MTOR: variants seen among roughly 807,000 people sequenced by gnomAD.
MTOR encodes mechanistic target of rapamycin kinase, also known as serine/threonine-protein kinase mTOR.
A neutral mutation model predicts 319.8 loss-of-function variants in MTOR; 70 were observed. The observed-to-expected ratio is 0.22, with a 90% CI of 0.18 to 0.27. The LOEUF (loss-of-function observed/expected upper bound fraction) is 0.27, where lower values mean the gene tolerates loss of function less well. Ranked by LOEUF, MTOR falls within the 10% of genes least tolerant of loss-of-function variation. MTOR has a pLI of 1.00. For missense variants in MTOR, 1,890 were observed against 3,274.4 expected (o/e 0.58, Z 10.32); for synonymous variants, 1,183 against 1,211.4 (o/e 0.98, Z 0.49).
intron 28 of MTOR, among the ~76,000 whole-genome samples, chr1:11,167,924 G>C (rs1183468092): frequency 6.6e-6 from 1 of 152,144 alleles, no homozygotes; most frequent in Non-Finnish European, 1.5e-5. Flanking sequence ...AAAAAAATTA[G>C]CCGGGCGTGG....
intron 13 of MTOR, 40 bp downstream of exon 13, chr1:11,237,803 T>C (rs1378415185): frequency 9.9e-6 from 16 of 1,608,542 alleles, no homozygotes; most frequent in Non-Finnish European, 1.1e-5. Flanking sequence ...GCGAGAGTCC[T>C]GTCTTCCCTG....
chr1:11,210,214 G>A (rs1020188310), intron 24 of MTOR, among the ~76,000 whole-genome samples: 3 of 152,212 alleles, frequency 2.0e-5, no homozygotes, highest in Non-Finnish European at 2.9e-5. Flanking sequence ...CCAGGCTGGA[G>A]TGCACTGGTG....
chr1:11,143,082 T>G (rs1015337349), intron 34 of MTOR, among the ~76,000 whole-genome samples: 1 of 152,168 alleles, frequency 6.6e-6, no homozygotes, highest in Non-Finnish European at 1.5e-5. Context: ...CCATGAAGTG[T>G]GACAACAATG....
At chr1:11,241,186 T>C (rs896306245) in intron 10 of MTOR, among the ~76,000 whole-genome samples, 4 of 151,908 alleles carry the variant, frequency 2.6e-5, no homozygotes, top group Non-Finnish European at 4.4e-5. Context: ...CCAGGCGTGG[T>C]GGCAGGCGCC....
At chr1:11,169,774 CA>C (rs1420887170) in intron 28 of MTOR, among the ~76,000 whole-genome samples, 2 of 152,154 alleles carry the variant, frequency 1.3e-5, no homozygotes, top group Non-Finnish European at 2.9e-5. Context: ...ATCTATATAA[CA>C]GGGCTAATAT....
At chr1:11,248,884 A>C (rs1649206933) in intron 6 of MTOR, among the ~76,000 whole-genome samples, 1 of 152,206 alleles carries the variant, frequency 6.6e-6, no homozygotes, top group South Asian at 2.1e-4. Flanking sequence ...AGTATGGAAT[A>C]AGCTGACTGA....
At position 11,129,191 on chromosome 1, in the gene MTOR, GGCATGTAT is replaced by G. The variant is rs1414244854; in HGVS notation, c.5715-248_5715-241del. Reference sequence around the variant, plus strand: ...TCCCAGGTCACCGAGGGGTCACCATGGCATGTATGCAAACATCAAACAGACGAGCCAGG... The same window carrying G: ...TCCCAGGTCACCGAGGGGTCACCATGGCAAACATCAAACAGACGAGCCAGG... On this transcript the variant is annotated intron_variant, in intron 40 of 57. Coordinates refer to ENST00000361445, the MANE Select transcript of MTOR (RefSeq NM_004958.4). This position sits in a 1 kb window ranked among gnomAD's most constrained non-coding sequence, Gnocchi z 4.7. Among the ~76,000 whole-genome samples, 1 of 152,166 alleles carries G rather than the reference GGCATGTAT, an allele frequency of 6.6e-6. No homozygotes were observed. The highest frequency in any genetic ancestry group is 1.5e-5 in the Non-Finnish European group (1 of 68,036).
In MTOR at chr1:11,212,344, G is replaced by A. The variant is rs1646339170; in HGVS notation, c.3529C>T (p.Leu1177=). The A allele has an allele frequency of 6.2e-7, 1 of 1,614,088 alleles. No individual in the cohort carries two copies. Among genetic ancestry groups the A allele is most frequent in the Non-Finnish European group, 8.5e-7 (1 of 1,179,986 alleles). ...PELRSTAMDT[L]SSLVFQLGKK... is the part of the protein sequence containing the mutation. Reference sequence around the variant, plus strand: ...CCCAGCTGAAAAACAAGTGAAGACAGCGTGTCCATGGCTGTGGAGCGCAGT... The same window carrying A: ...CCCAGCTGAAAAACAAGTGAAGACAACGTGTCCATGGCTGTGGAGCGCAGT... The change falls in exon 23 of 58, where the codon CTG becomes TTG. Residue 1177 remains leucine, a synonymous_variant. Transcript: ENST00000361445. The surrounding 1 kb of genome is among the most constrained non-coding windows in gnomAD (Gnocchi z 4.1).
intron 6 of MTOR, among the ~76,000 whole-genome samples, chr1:11,251,651 G>GTTTTTTTTT (rs1649694947): frequency 6.1e-5 from 8 of 130,808 alleles, no homozygotes; most frequent in African/African-American, 2.4e-4. Flanking sequence ...TATTTAGATA[G>GTTTTTTTTT]TTTCTTTTTT....
intron 29 of MTOR, among the ~76,000 whole-genome samples, chr1:11,166,988 C>T (rs970074947): frequency 7.2e-5 from 11 of 152,078 alleles, no homozygotes; most frequent in South Asian, 2.1e-4. Context: ...AGTGAACTAT[C>T]GCAAAGACAG....
chr1:11,152,035 T>G (rs1644164581), intron 30 of MTOR, among the ~76,000 whole-genome samples: 2 of 152,192 alleles, frequency 1.3e-5, no homozygotes, highest in South Asian at 4.1e-4. Context: ...GCCCTAGCAG[T>G]GAACTTCGCA....
intron 36 of MTOR, chr1:11,139,043 G>T: frequency 2.4e-6 from 1 of 417,194 alleles, no homozygotes. Flanking sequence ...CCCTTTCTAT[G>T]TCCCAGCACT....
At chr1:11,260,878 C>T (rs962014464) in intron 1 of MTOR, among the ~76,000 whole-genome samples, 18 of 151,348 alleles carry the variant, frequency 1.2e-4, no homozygotes, top group African/African-American at 4.4e-4. Flanking sequence ...CAACATCCAC[C>T]TCCCGGGTTC....
At chr1:11,147,186 G>C (rs1221652916) in intron 31 of MTOR, among the ~76,000 whole-genome samples, 1 of 152,174 alleles carries the variant, frequency 6.6e-6, no homozygotes, top group Admixed American at 6.5e-5. Context: ...CAGTTCAATG[G>C]TATGTTGGGA....
intron 15 of MTOR, chr1:11,232,939 G>A (rs989481275): frequency 8.2e-6 from 6 of 735,230 alleles, no homozygotes; most frequent in Middle Eastern, 3.7e-4. Context: ...CCATCATGGT[G>A]TGTGCCTGAC....
intron 19 of MTOR, among the ~76,000 whole-genome samples, chr1:11,221,660 T>A (rs1317421724): frequency 2.0e-5 from 3 of 149,790 alleles, no homozygotes; most frequent in African/African-American, 7.4e-5. Flanking sequence ...ACAATCTGAT[T>A]GTGAAAAAGA....
intron 28 of MTOR, chr1:11,189,555 C>G (rs746666561): frequency 1.9e-6 from 3 of 1,564,716 alleles, no homozygotes; most frequent in South Asian, 2.5e-5. Context: ...GAAGGAAGAG[C>G]CTTCCTCACC....
chr1:11,122,502 A>G (rs1404109847), intron 47 of MTOR, among the ~76,000 whole-genome samples: 4 of 78,732 alleles, frequency 5.1e-5, no homozygotes, highest in African/African-American at 2.1e-4. Context: ...ACCCAGCCCT[A>G]TTTTTTTTTT....
intron 30 of MTOR, among the ~76,000 whole-genome samples, chr1:11,155,635 C>T (rs1383210241): frequency 6.6e-6 from 1 of 152,218 alleles, no homozygotes; most frequent in East Asian, 1.9e-4. Context: ...CCATACTGTG[C>T]TCCTCATTGT....
Sources: gnomAD v4.1 joint callset for allele counts (sites outside exome capture counted in the v4.1 genomes callset) on GRCh38, gnomAD v4.1.1 for gene constraint, Gnocchi (gnomAD v3.1) non-coding constraint, MANE v1.5 for transcripts, NCBI Gene and HGNC (gene_info 2026-07-23, HGNC 2026-07-21) for gene names.